Variants in XRCC6 observed in about 807,000 individuals in gnomAD.
The protein encoded by XRCC6 is X-ray repair cross complementing 6, also known as DNA repair protein Ku70.
XRCC6 carries 5 observed loss-of-function variants against 65.7 expected under a neutral mutation model. That is an observed-to-expected ratio of 0.08 (90% CI 0.04 to 0.16). The LOEUF is 0.16. Among genes scored for constraint, XRCC6 ranks in the 10% least tolerant of loss-of-function variants. XRCC6 has a pLI of 1.00. For synonymous variants in XRCC6, 270 were observed against 270.6 expected, an observed-to-expected ratio of 1.00 and a Z score of 0.02; for missense variants, 447 against 738.1, an observed-to-expected ratio of 0.61 and a Z score of 4.57.
intron 3 of XRCC6, among the ~76,000 whole-genome samples, chr22:41,634,474 C>T (rs1047824321): frequency 2.6e-5 from 4 of 151,870 alleles, no homozygotes; most frequent in African/African-American, 9.7e-5. Context: ...GCATGAGCCA[C>T]TGTACCTGGC....
intron 2 of XRCC6, among the ~76,000 whole-genome samples, chr22:41,626,621 ATGTT>A (rs1333240752): frequency 3.2e-4 from 47 of 144,760 alleles, no homozygotes; most frequent in African/African-American, 1.1e-3. Flanking sequence ...CACCTGGCTA[ATGTT>A]TGTTTGTTTT....
At chr22:41,633,178 A>G (rs994517518) in intron 3 of XRCC6, among the ~76,000 whole-genome samples, 3 of 152,178 alleles carry the variant, frequency 2.0e-5, no homozygotes, top group African/African-American at 4.8e-5. Flanking sequence ...AATAAAAACA[A>G]TCGTTAATTT....
At chr22:41,621,888 C>T in intron 1 of XRCC6, 102 bp from the exon 2 acceptor site, 1 of 1,136,874 alleles carries the variant, frequency 8.8e-7, no homozygotes, top group Non-Finnish European at 1.3e-6. Flanking sequence ...CCACATTCCT[C>T]ACTACTAACC....
intron 4 of XRCC6, 65 bp from the exon 5 acceptor site, chr22:41,636,451 T>C (rs940952693): frequency 6.3e-7 from 1 of 1,582,898 alleles, no homozygotes; most frequent in South Asian, 1.2e-5. Flanking sequence ...GTTAGTCTTG[T>C]GGTAAAGGCA....
chr22:41,628,060 T>C (rs2067697849), intron 2 of XRCC6, 58 bp from the exon 3 acceptor site: 6 of 1,207,624 alleles, frequency 5.0e-6, no homozygotes, highest in Non-Finnish European at 6.0e-6. Flanking sequence ...ATTTATCTTA[T>C]ATGGTAAACA....
chr22:41,641,055 A>T (rs1003358156), intron 6 of XRCC6, among the ~76,000 whole-genome samples: 3 of 152,154 alleles, frequency 2.0e-5, no homozygotes, highest in African/African-American at 7.2e-5. Flanking sequence ...AGCCTGGGCA[A>T]CCCAGGGAGA....
chr22:41,662,332 TATATATACCTA>T (rs28741133), intron 12 of XRCC6, among the ~76,000 whole-genome samples: 2,593 of 152,252 alleles, frequency 0.017, 85 homozygotes, highest in African/African-American at 0.058. Context: ...ACCCCACAAA[TATATATACCTA>T]GTATGTACCC....
chr22:41,639,421 C>T (rs2067850202), intron 6 of XRCC6, among the ~76,000 whole-genome samples: 1 of 145,354 alleles, frequency 6.9e-6, no homozygotes, highest in Non-Finnish European at 1.5e-5. Flanking sequence ...TTAGCCTCGA[C>T]CTCCTGAGCT....
At chr22:41,652,675 C>T (rs2147108465) in intron 8 of XRCC6, among the ~76,000 whole-genome samples, 1 of 129,022 alleles carries the variant, frequency 7.8e-6, no homozygotes, top group East Asian at 2.4e-4. Flanking sequence ...CAATAATTCA[C>T]TTTCTGTTTG....
chr22:41,623,492 A>G (rs1369884844), intron 2 of XRCC6, among the ~76,000 whole-genome samples: 2 of 151,092 alleles, frequency 1.3e-5, no homozygotes, highest in East Asian at 1.9e-4. Flanking sequence ...GGTTCATGCC[A>G]TTCTCCTGCC....
chr22:41,656,921 T>C lies in XRCC6; in HGVS notation c.1310T>C (p.Leu437Ser). ...VTPPGFQLVF[L>S]PFADDKRKMP... The stretch of plus-strand genomic sequence containing the variant: ...TCTTCAGGCTTCCAGCTGGTCTTTT[T>C]ACCCTTTGCTGATGATAAAAGGAAG... Residue 437 changes from leucine (L) to serine (S), a missense_variant, in exon 10 of 13, where the codon TTA becomes TCA. Leu to Ser is a moderately radical substitution (Grantham distance 145, BLOSUM62 -2). This residue lies in a region of XRCC6 where 201 missense variants were observed against 374.1 expected (regional missense o/e 0.54). Transcript: ENST00000360079. 1 of 1,613,694 alleles carries C rather than the reference T, an allele frequency of 6.2e-7. No homozygotes were observed. The highest frequency in any genetic ancestry group is 8.5e-7 in the Non-Finnish European group (1 of 1,179,978).
At chr22:41,627,072 C>T (rs904950362) in intron 2 of XRCC6, among the ~76,000 whole-genome samples, 3 of 152,194 alleles carry the variant, frequency 2.0e-5, no homozygotes, top group Middle Eastern at 3.4e-3. Flanking sequence ...CACTGTGCCC[C>T]GCCTAATTAA....
intron 2 of XRCC6, among the ~76,000 whole-genome samples, chr22:41,626,781 G>T (rs1371805756): frequency 2.6e-5 from 4 of 152,056 alleles, no homozygotes; most frequent in Non-Finnish European, 4.4e-5. Flanking sequence ...GGGACTGCAG[G>T]TGTCCACCAC....
intron 11 of XRCC6, among the ~76,000 whole-genome samples, chr22:41,660,346 C>T (rs1261486649): frequency 6.6e-6 from 1 of 152,226 alleles, no homozygotes; most frequent in Non-Finnish European, 1.5e-5. Flanking sequence ...CCATCCCACT[C>T]CTATTCTTCT....
At chr22:41,658,468 C>T in intron 11 of XRCC6, 116 bp downstream of exon 11, 2 of 928,906 alleles carry the variant, frequency 2.2e-6, no homozygotes, top group East Asian at 2.6e-5. Context: ...CCTCATTCCC[C>T]AGACCCCCTC....
chr22:41,648,023 T>TCCCCC (rs1569092301), intron 7 of XRCC6: 2 of 14,072 alleles, frequency 1.4e-4, no homozygotes, highest in Non-Finnish European at 3.3e-4. Context: ...TCCGACTCCC[T>TCCCCC]CCCCTCCCCT....
chr22:41,622,984 GA>G (rs987302999), intron 2 of XRCC6, among the ~76,000 whole-genome samples: 20 of 151,262 alleles, frequency 1.3e-4, no homozygotes, highest in African/African-American at 4.9e-4. Context: ...ATACAAAAAA[GA>G]AAAAAATTTG....
intron 11 of XRCC6, among the ~76,000 whole-genome samples, chr22:41,658,697 C>T (rs898363002): frequency 9.2e-5 from 14 of 152,288 alleles, no homozygotes; most frequent in Admixed American, 3.3e-4. Context: ...GGGTGGATCA[C>T]GAGGTCAAGA....
At chr22:41,624,713 T>C (rs1159043342) in intron 2 of XRCC6, among the ~76,000 whole-genome samples, 2 of 112,496 alleles carry the variant, frequency 1.8e-5, no homozygotes, top group African/African-American at 6.8e-5. Flanking sequence ...AAATAAAAAA[T>C]AAGGCCGGGC....
Sources: allele counts gnomAD v4.1 joint callset (sites outside exome capture counted in the v4.1 genomes callset), GRCh38; gene constraint gnomAD v4.1.1; regional missense constraint gnomAD v4.1.1; transcripts MANE v1.5; gene names NCBI Gene and HGNC (gene_info 2026-07-23, HGNC 2026-07-21).